The following LIX1L variants were observed in gnomAD, a reference collection of about 807,000 sequenced individuals.
LIX1L encodes limb and CNS expressed 1 like, also known as LIX1-like protein.
Under a neutral mutation model 34.0 loss-of-function variants are expected in LIX1L, and 20 were observed. That is an observed-to-expected ratio of 0.59 (90% CI 0.41 to 0.85). The LOEUF (loss-of-function observed/expected upper bound fraction) is 0.85, where lower values mean the gene tolerates loss of function less well. Among genes scored for constraint, LIX1L ranks in the 40% least tolerant of loss-of-function variants. The probability of loss-of-function intolerance (pLI) is 0.00; values close to 1 mark genes in which losing one functional copy is unlikely to be tolerated. For synonymous variants in LIX1L, 170 were observed against 187.4 expected (o/e 0.91, Z 0.76); for missense variants, 397 against 447.0 (o/e 0.89, Z 1.01).
rs1190330043 is a variant in LIX1L at position 145,957,833 on chromosome 1, G to A, written c.95C>T (p.Ala32Val). 1.3e-5 allele frequency: 18 copies of A among 1,404,590 alleles called. No homozygotes were observed. The highest frequency in any genetic ancestry group is 2.9e-5 in the Admixed American group (1 of 34,066). The allele number at this position is 1,404,590 out of a possible 1,614,324, so 87.0% of individuals were successfully genotyped here. Residue 32 changes from alanine to valine, a missense_variant, in exon 1 of 6, where the codon GCG becomes GTG. Coordinates refer to ENST00000604000, the MANE Select transcript of LIX1L (RefSeq NM_153713.3). ...RALRPGVTGA[A>V]AATATPPAGP... ...CGCAGGGGGTGTGGCGGTGGCGGCCGCGGCCCCAGTCACTCCGGGCCGCAG... is the reference window on the plus strand; with the variant it reads ...CGCAGGGGGTGTGGCGGTGGCGGCCACGGCCCCAGTCACTCCGGGCCGCAG...
chr1:145,955,135 G>C (rs1649426665), intron 1 of LIX1L, among the ~76,000 whole-genome samples: 1 of 152,178 alleles, frequency 6.6e-6, no homozygotes, highest in East Asian at 1.9e-4. Flanking sequence ...GAAGCATAGA[G>C]AGATTAAGCA....
chr1:145,936,160 G>C lies in LIX1L; in HGVS notation c.*150C>G. The stretch of plus-strand genomic sequence containing the variant: ...TGGTAGTAAGAAAAGGGATCTCTTA[G>C]CAAATAGGAATCTAGGTGTAGAATT... On this transcript the variant is annotated 3_prime_UTR_variant, in exon 6 of 6. Coordinates refer to ENST00000604000, the MANE Select transcript of LIX1L (RefSeq NM_153713.3). 1 of 900,712 alleles carries C rather than the reference G, an allele frequency of 1.1e-6. No individual in the cohort carries two copies. Among genetic ancestry groups the C allele is most frequent in the Admixed American group, 3.2e-5 (1 of 31,484 alleles). 55.8% of individuals were successfully genotyped at this position (900,712 alleles called of 1,614,324 possible). A position where few individuals can be genotyped will look rare whatever the true frequency, so the allele number is the denominator to read the frequency against.
At chr1:145,937,091 C>A in intron 4 of LIX1L, 106 bp from the exon 5 acceptor site, 1 of 671,550 alleles carries the variant, frequency 1.5e-6, no homozygotes, top group South Asian at 1.7e-5. Flanking sequence ...AGAAGCATCT[C>A]TCATCACTAA....
intron 3 of LIX1L, among the ~76,000 whole-genome samples, chr1:145,939,638 C>CT (rs587705670): frequency 0.01 from 1,371 of 132,716 alleles, 11 homozygotes; most frequent in Middle Eastern, 0.016. Context: ...TTTTCTTTTT[C>CT]TTTTTTTTTT....
Position 145,939,328 on chromosome 1 carries a change from T to G in LIX1L, c.598-1629A>C, listed in dbSNP as rs587711488. On this transcript the variant is annotated intron_variant, in intron 3 of 5. Coordinates refer to ENST00000604000, the MANE Select transcript of LIX1L (RefSeq NM_153713.3). ...TAATTTTTTTTTTTTTTTTTTGAGA[T>G]GAAGTCTTACTCTGTCGCCCAGGCT... Among the ~76,000 whole-genome samples the G allele has an allele frequency of 1.3e-3, 189 of 148,236 alleles. 1 individual carries two copies. The East Asian group carries it at 0.027, about 21-fold the overall frequency.
At chr1:145,938,338 T>C (rs1290635211) in intron 3 of LIX1L, among the ~76,000 whole-genome samples, 2 of 152,102 alleles carry the variant, frequency 1.3e-5, no homozygotes, top group Non-Finnish European at 2.9e-5. Flanking sequence ...CTATTGGTTA[T>C]GTAACCCTGC....
rs927743023 is a variant in LIX1L, at chr1:145,936,797, T to C, written c.771+111A>G. On this transcript the variant is annotated intron_variant, in intron 5 of 5. Transcript: ENST00000604000. ...GGGTACTTAGGTAAGGCTTTCAATA[T>C]TCACAACCATAGGTCACAATAGACC... 4.6e-6 allele frequency: 4 copies of C among 871,138 alleles called. No individual in the cohort carries two copies. In the African/African-American group the frequency reaches 4.9e-5, roughly 11 times the overall value. The allele number at this position is 871,138 out of a possible 1,614,324, so 54.0% of individuals were successfully genotyped here. A position where few individuals can be genotyped will look rare whatever the true frequency, so the allele number is the denominator to read the frequency against.
intron 3 of LIX1L, among the ~76,000 whole-genome samples, chr1:145,940,620 G>A (rs1202742119): frequency 2.1e-5 from 3 of 141,506 alleles, no homozygotes; most frequent in Non-Finnish European, 4.5e-5. Flanking sequence ...GCGTGATCTC[G>A]GCTCACTGCA....
chr1:145,936,975 G>T lies in LIX1L; in HGVS notation c.704C>A (p.Thr235Lys). 1 of 1,611,164 alleles carries T rather than the reference G, an allele frequency of 6.2e-7. No individual in the cohort carries two copies. The highest frequency in any genetic ancestry group is 8.5e-7 in the Non-Finnish European group (1 of 1,177,430). Residue 235 changes from threonine (T) to lysine (K), a missense_variant, in exon 5 of 6, where the codon ACA (threonine) becomes AAA (lysine). By Grantham distance (78) the Thr-to-Lys change is moderately conservative. Transcript: ENST00000604000. ...ATTCCAGTGTAGCAGTTGAAAAACT[G>T]TCATTAGCTCCTGGGGGAAGAGGAT... ...KSMLEFQELM[T>K]VFQLLHWNGS...
intron 2 of LIX1L, among the ~76,000 whole-genome samples, chr1:145,945,265 C>T (rs1570966611): frequency 7.0e-6 from 1 of 142,720 alleles, no homozygotes; most frequent in African/African-American, 2.6e-5. Context: ...CACACCACTG[C>T]ACTCCAGCCT....
chr1:145,955,799 T>C (rs1649453531), intron 1 of LIX1L, among the ~76,000 whole-genome samples: 1 of 152,184 alleles, frequency 6.6e-6, no homozygotes, highest in Admixed American at 6.5e-5. Context: ...CACCACGAAG[T>C]GTGAAGCCTG....
Position 145,957,639 on chromosome 1 carries a change from G to T in LIX1L, c.289C>A (p.Arg97=). The T allele has an allele frequency of 6.5e-7, 1 of 1,535,134 alleles. No homozygotes were observed. Among genetic ancestry groups the T allele is most frequent in the South Asian group, 1.2e-5 (1 of 83,074 alleles). Residue 97 remains arginine, a synonymous_variant, in exon 1 of 6, where the codon CGA becomes AGA. Coordinates refer to ENST00000604000, the MANE Select transcript of LIX1L (RefSeq NM_153713.3). ...GAGGCCAGACCCGCAGACTCACCTC[G>T]GCCATAGCCCTGCGTGTGCTTGGCG... The part of the protein sequence containing the change: ...SFAKHTQGYG[R]VNVVEALQEF...
chr1:145,950,730 T>C (rs1488166776), intron 1 of LIX1L, among the ~76,000 whole-genome samples: 13 of 152,208 alleles, frequency 8.5e-5, no homozygotes, highest in Admixed American at 8.5e-4. Context: ...AGGAATCCCA[T>C]ATCTCACCAG....
chr1:145,958,011 G>A lies in LIX1L; in HGVS notation c.-84C>T, dbSNP rs1649561745. On this transcript the variant is annotated 5_prime_UTR_variant, in exon 1 of 6. Transcript: ENST00000604000. ...AACCACCCCAGTCAGCTAGCGCCTG[G>A]GGACTCAGGGCGGTGCCAGGGCCGA... 2 of 983,188 alleles carry A rather than the reference G, an allele frequency of 2.0e-6. No homozygotes were observed. Among genetic ancestry groups the A allele is most frequent in the East Asian group, 3.3e-5 (1 of 29,978 alleles). The allele number at this position is 983,188 out of a possible 1,614,324, so 60.9% of individuals were successfully genotyped here.
chr1:145,949,786 C>T (rs1228252666), intron 1 of LIX1L, among the ~76,000 whole-genome samples: 1 of 151,258 alleles, frequency 6.6e-6, no homozygotes, highest in African/African-American at 2.4e-5. Flanking sequence ...CCCAGGTGCT[C>T]TGAAATATCT....
intron 3 of LIX1L, among the ~76,000 whole-genome samples, chr1:145,942,467 G>C (rs1309156759): frequency 1.3e-5 from 2 of 152,152 alleles, no homozygotes; most frequent in Admixed American, 6.5e-5. Context: ...AAGGTTTCTA[G>C]ATACCAAAGA....
intron 3 of LIX1L, among the ~76,000 whole-genome samples, chr1:145,939,337 A>AG (rs1347326339): frequency 7.2e-6 from 1 of 138,706 alleles, no homozygotes; most frequent in Non-Finnish European, 1.5e-5. Flanking sequence ...ATGAAGTCTT[A>AG]CTCTGTCGCC....
intron 2 of LIX1L, among the ~76,000 whole-genome samples, chr1:145,945,815 C>G (rs1309095722): frequency 6.7e-6 from 1 of 148,702 alleles, no homozygotes; most frequent in South Asian, 2.1e-4. Context: ...AGGCTGGGCG[C>G]AGTGGCTCAC....
At chr1:145,945,898 T>C (rs587684166) in intron 2 of LIX1L, among the ~76,000 whole-genome samples, 161 of 123,492 alleles carry the variant, frequency 1.3e-3, no homozygotes, top group African/African-American at 4.7e-3. Context: ...CCATCCTGGC[T>C]AACATGGTGA....
Sources: gnomAD v4.1 joint callset for allele counts (sites outside exome capture counted in the v4.1 genomes callset) on GRCh38, gnomAD v4.1.1 for gene constraint, MANE v1.5 for transcripts, NCBI Gene and HGNC (gene_info 2026-07-23, HGNC 2026-07-21) for gene names.